PCDHA6: variants seen among roughly 807,000 people sequenced by gnomAD.
The protein encoded by PCDHA6 is protocadherin alpha-6.
In PCDHA6, 55 loss-of-function variants were observed where a neutral mutation model predicts 60.3. The ratio of observed to expected loss-of-function variants is 0.91; its 90% CI spans 0.73 to 1.14. PCDHA6 has a LOEUF of 1.14. Among genes scored for constraint, PCDHA6 ranks in the 50% most tolerant of loss-of-function variants. PCDHA6 has a pLI of 0.00. For synonymous variants in PCDHA6, 652 were observed against 557.9 expected (o/e 1.17, Z -2.38); for missense variants, 1,327 against 1,256.5 (o/e 1.06, Z -0.85).
At chr5:140,861,372 A>C (rs2046882996) in intron 1 of PCDHA6, 3 of 407,054 alleles carry the variant, frequency 7.4e-6, no homozygotes, top group Non-Finnish European at 1.5e-5. Flanking sequence ...CGCGGTCCCT[A>C]TTGCGCAGGA....
chr5:140,973,148 T>G (rs2096574239), intron 1 of PCDHA6, among the ~76,000 whole-genome samples: 1 of 152,210 alleles, frequency 6.6e-6, no homozygotes, highest in Non-Finnish European at 1.5e-5. Context: ...TTCACTTATT[T>G]TAAAGCAATT....
intron 1 of PCDHA6, among the ~76,000 whole-genome samples, chr5:140,953,068 C>A (rs1243228817): frequency 6.6e-6 from 1 of 152,198 alleles, no homozygotes; most frequent in East Asian, 1.9e-4. Context: ...CAGGCCCCAT[C>A]TCCAACATTG....
In PCDHA6 at chr5:140,829,193, G is replaced by A. The variant is rs2150163674; in HGVS notation, c.1102G>A (p.Val368Ile). ...ACGTGAAGACGCTCAATTTGGTACT[G>A]TCATCGCCCTAATTAGCGTGAACGA... Reference protein sequence around the residue: ...PVREDAQFGTVIALISVNDLD... With the variant: ...PVREDAQFGTIIALISVNDLD... The change falls in exon 1 of 4, where the codon GTC becomes ATC. Residue 368 changes from valine to isoleucine, a missense_variant. Transcript: ENST00000529310. The A allele has an allele frequency of 6.2e-7, 1 of 1,614,214 alleles. No homozygotes were observed. Among genetic ancestry groups the A allele is most frequent in the Admixed American group, 1.7e-5 (1 of 60,026 alleles).
At chr5:140,972,871 C>G (rs1436283252) in intron 1 of PCDHA6, among the ~76,000 whole-genome samples, 1 of 152,030 alleles carries the variant, frequency 6.6e-6, no homozygotes, top group Non-Finnish European at 1.5e-5. Flanking sequence ...ATCATGTTGT[C>G]CAGGATGGTC....
chr5:140,919,933 T>C (rs2153555434), intron 1 of PCDHA6, among the ~76,000 whole-genome samples: 1 of 152,222 alleles, frequency 6.6e-6, no homozygotes. Flanking sequence ...AGGTGGGGGC[T>C]AATTCCAGTG....
In PCDHA6 at chr5:141,006,360, C is replaced by T. The variant is rs898915080; in HGVS notation, c.2543-3267C>T. ...CTGAGTAGCTGGGACTATAGGCGCC[C>T]ACCACCACGCCCGGCTAAGTTTTTT... On this transcript the variant is annotated intron_variant, in intron 3 of 3. Coordinates refer to ENST00000529310, the MANE Select transcript of PCDHA6 (RefSeq NM_018909.4). Among the ~76,000 whole-genome samples, 9 of 151,982 alleles carry T rather than the reference C, an allele frequency of 5.9e-5. 1 individual carries two copies. The highest frequency in any genetic ancestry group is 1.2e-4 in the Non-Finnish European group (8 of 67,998).
chr5:140,981,260 T>C (rs975813904), intron 2 of PCDHA6, among the ~76,000 whole-genome samples: 11 of 152,324 alleles, frequency 7.2e-5, no homozygotes, highest in African/African-American at 2.4e-4. Flanking sequence ...ACTTTCAAGA[T>C]AAGCAAATGT....
intron 1 of PCDHA6, chr5:140,876,573 C>G: frequency 1.9e-6 from 3 of 1,614,152 alleles, no homozygotes; most frequent in African/African-American, 1.3e-5. Flanking sequence ...AGGTGGGTAC[C>G]GTCATTGCCC....
At chr5:140,860,219 A>C (rs2046275185) in intron 1 of PCDHA6, 1 of 151,166 alleles carries the variant, frequency 6.6e-6, no homozygotes, top group South Asian at 2.1e-4. Flanking sequence ...GTACTTATGT[A>C]TATATAAGCC....
chr5:140,942,518 G>A (rs2093312014), intron 1 of PCDHA6, among the ~76,000 whole-genome samples: 1 of 151,908 alleles, frequency 6.6e-6, no homozygotes, highest in Non-Finnish European at 1.5e-5. Flanking sequence ...ACTCAGAGGG[G>A]AAGCAACTAA....
chr5:140,882,330 T>C (rs1554173536), intron 1 of PCDHA6: 26 of 1,614,056 alleles, frequency 1.6e-5, no homozygotes, highest in Non-Finnish European at 2.1e-5. Context: ...CTTCTGATCC[T>C]CGCAGCCTGG....
intron 1 of PCDHA6, chr5:140,871,323 CT>C (rs2052977645): frequency 6.2e-7 from 1 of 1,614,102 alleles, no homozygotes; most frequent in Non-Finnish European, 8.5e-7. Context: ...CGCTGGTGTG[CT>C]CCCGCGCGGT....
chr5:140,874,534 CA>C (rs782798422), intron 1 of PCDHA6, among the ~76,000 whole-genome samples: 5 of 152,202 alleles, frequency 3.3e-5, no homozygotes, highest in Non-Finnish European at 5.9e-5. Flanking sequence ...GATTAGGCTC[CA>C]AAACCCTTTA....
intron 1 of PCDHA6, among the ~76,000 whole-genome samples, chr5:140,943,453 G>A (rs545980639): frequency 2.6e-5 from 4 of 152,040 alleles, no homozygotes; most frequent in Non-Finnish European, 5.9e-5. Context: ...GAATTGATAA[G>A]GCTAAATGTG....
At chr5:140,907,391 A>G (rs1455875344) in intron 1 of PCDHA6, among the ~76,000 whole-genome samples, 2 of 152,214 alleles carry the variant, frequency 1.3e-5, no homozygotes, top group African/African-American at 2.4e-5. Context: ...GGTCAAAGGC[A>G]ATGCTGTGTG....
At chr5:140,862,607 A>C in intron 1 of PCDHA6, 3 of 519,204 alleles carry the variant, frequency 5.8e-6, no homozygotes, top group Non-Finnish European at 1.2e-5. Flanking sequence ...GTGTTCGTGA[A>C]AGGTAACAAC....
chr5:140,876,819 C>G (rs781959784), intron 1 of PCDHA6: 4 of 1,614,180 alleles, frequency 2.5e-6, no homozygotes, highest in Non-Finnish European at 3.4e-6. Context: ...CCGACGTGAA[C>G]GACAATGCGC....
chr5:140,994,528 C>T (rs1331400819), intron 3 of PCDHA6, among the ~76,000 whole-genome samples: 1 of 137,784 alleles, frequency 7.3e-6, no homozygotes, highest in Non-Finnish European at 1.5e-5. Flanking sequence ...CATGGCAAAA[C>T]CCCATCTCTA....
intron 1 of PCDHA6, chr5:140,835,765 C>T: frequency 1.9e-6 from 3 of 1,613,356 alleles, no homozygotes; most frequent in Non-Finnish European, 2.5e-6. Context: ...CCCGAGTATA[C>T]GGTGTTCGTG....
Sources: allele counts gnomAD v4.1 joint callset (sites outside exome capture counted in the v4.1 genomes callset), GRCh38; gene constraint gnomAD v4.1.1; transcripts MANE v1.5; gene names NCBI Gene and HGNC (gene_info 2026-07-23, HGNC 2026-07-21).